The following LYST variants were observed in gnomAD, a reference collection of about 807,000 sequenced individuals.
LYST encodes the protein lysosomal trafficking regulator, also known as lysosomal-trafficking regulator.
Under a neutral mutation model 413.6 loss-of-function variants are expected in LYST, and 192 were observed. That is an observed-to-expected ratio of 0.46 (90% CI 0.41 to 0.52). The LOEUF (loss-of-function observed/expected upper bound fraction) is 0.52, where lower values mean the gene tolerates loss of function less well. Among genes scored for constraint, LYST ranks in the 20% least tolerant of loss-of-function variants. LYST has a pLI of 0.00. For missense variants in LYST, 3,815 were observed against 4,499.9 expected (o/e 0.85, Z 4.35); for synonymous variants, 1,525 against 1,567.3 (o/e 0.97, Z 0.64).
At chr1:235,774,712 C>T (rs566566817) in intron 18 of LYST, among the ~76,000 whole-genome samples, 4 of 152,060 alleles carry the variant, frequency 2.6e-5, no homozygotes, top group South Asian at 2.1e-4. Flanking sequence ...TTAAAAAATG[C>T]TTTAAAGAAA....
chr1:235,780,948 A>G lies in LYST; in HGVS notation c.5131T>C (p.Tyr1711His), dbSNP rs372877124. ...YGKPVNDYSK[Y>H]INKEILRCEQ... ...CATCGCAAAATTTCTTTATTAATAT[A>G]TTTGGAGTAGTCATTGACTGGCTTG... is the stretch of plus-strand genomic sequence containing the variant. The change falls in exon 16 of 53, where the codon TAT (tyrosine) becomes CAT (histidine). Residue 1711 changes from tyrosine (Y) to histidine (H), a missense_variant. Physicochemically the swap from Tyr to His is moderately conservative, Grantham distance 83. Transcript: ENST00000389793. The G allele has an allele frequency of 6.3e-7, 1 of 1,599,522 alleles. No homozygotes were observed. Among genetic ancestry groups the G allele is most frequent in the African/African-American group, 1.3e-5 (1 of 74,702 alleles).
Position 235,817,086 on chromosome 1 carries a change from A to T in LYST, c.193-4025T>A, listed in dbSNP as rs570830915. On this transcript the variant is annotated intron_variant, in intron 3 of 52. Coordinates refer to ENST00000389793, the MANE Select transcript of LYST (RefSeq NM_000081.4). ...GACACGAACAGACACTTTTCAAAAGAAGACATACATGCGCCAACAAGCATA... is the reference window on the plus strand; with the variant it reads ...GACACGAACAGACACTTTTCAAAAGTAGACATACATGCGCCAACAAGCATA... Among the ~76,000 whole-genome samples the T allele has an allele frequency of 2.9e-3, 435 of 152,344 alleles. 2 individuals carry two copies. The highest frequency in any genetic ancestry group is 1.0e-2 in the African/African-American group (414 of 41,584).
Position 235,800,216 on chromosome 1 carries a change from C to A in LYST, c.4006+104G>T. The A allele has an allele frequency of 5.1e-6, 4 of 788,836 alleles. No homozygotes were observed. The South Asian group carries it at 5.6e-5, about 11-fold the overall frequency. The allele number at this position is 788,836 out of a possible 1,614,324, so 48.9% of individuals were successfully genotyped here. On this transcript the variant is annotated intron_variant, in intron 10 of 52. Transcript: ENST00000389793. Reference sequence around the variant, plus strand: ...CCTGCCACCTCAGCCTCCCAAAGTGCTAAGATCACAGGCATGAGCCACCAC... The same window carrying A: ...CCTGCCACCTCAGCCTCCCAAAGTGATAAGATCACAGGCATGAGCCACCAC...
intron 46 of LYST, 93 bp downstream of exon 46, chr1:235,696,990 C>T (rs1313511210): frequency 8.9e-6 from 11 of 1,240,872 alleles, no homozygotes; most frequent in Non-Finnish European, 1.3e-5. Flanking sequence ...AGTTTTTCCA[C>T]CAAGGACTCA....
chr1:235,705,525 A>C (rs1661905530), intron 44 of LYST, among the ~76,000 whole-genome samples: 1 of 151,858 alleles, frequency 6.6e-6, no homozygotes, highest in African/African-American at 2.4e-5. Flanking sequence ...AGCTAAGATT[A>C]CAGGAGTGTG....
At chr1:235,866,795 A>T (rs1265308594) in intron 1 of LYST, 48 bp downstream of exon 1, 1 of 152,160 alleles carries the variant, frequency 6.6e-6, no homozygotes, top group African/African-American at 2.4e-5. Context: ...AGGGGCCGGG[A>T]CCCGGAACCT....
upstream of LYST, among the ~76,000 whole-genome samples, chr1:235,868,690 T>G (rs1207943239): frequency 6.6e-6 from 1 of 152,068 alleles, no homozygotes; most frequent in Admixed American, 6.5e-5. Flanking sequence ...TCGGTACCAG[T>G]GTTTTTTATT....
intron 1 of LYST, among the ~76,000 whole-genome samples, chr1:235,871,951 A>G (rs1398601484): frequency 2.6e-5 from 4 of 152,222 alleles, no homozygotes; most frequent in Admixed American, 1.3e-4. Flanking sequence ...CTGAAATAAA[A>G]CAAAGACAGA....
intron 2 of LYST, among the ~76,000 whole-genome samples, chr1:235,831,597 T>C (rs910002407): frequency 6.6e-6 from 1 of 152,188 alleles, no homozygotes; most frequent in African/African-American, 2.4e-5. Flanking sequence ...ACTACCTTAG[T>C]TCCTGTTCAT....
chr1:235,680,602 C>CTT (rs112884652), intron 48 of LYST, among the ~76,000 whole-genome samples: 3 of 142,442 alleles, frequency 2.1e-5, no homozygotes, highest in African/African-American at 5.1e-5. Flanking sequence ...AAGTGATTTT[C>CTT]TTTTTTTTTT....
chr1:235,717,039 C>T (rs1341245157), intron 40 of LYST, among the ~76,000 whole-genome samples: 1 of 152,220 alleles, frequency 6.6e-6, no homozygotes, highest in Admixed American at 6.5e-5. Context: ...AGGGCTACTA[C>T]TATCCTTCTT....
chr1:235,721,967 G>A (rs1449612557), intron 39 of LYST, among the ~76,000 whole-genome samples: 1 of 152,226 alleles, frequency 6.6e-6, no homozygotes, highest in Non-Finnish European at 1.5e-5. Context: ...AAGGAGGTAA[G>A]GGGTGCTTGG....
rs1275564014 is a variant in LYST at position 235,810,437 on chromosome 1, A to T, written c.381T>A (p.Ser127Arg). Residue 127 changes from serine to arginine, a missense_variant, in exon 5 of 53, where the codon AGT becomes AGA. Physicochemically the swap from Ser to Arg is moderately radical, Grantham distance 110 (BLOSUM62 -1). This residue lies in a region of LYST where 1,648 missense variants were observed against 1,810.3 expected (regional missense o/e 0.91). Transcript: ENST00000389793. Reference protein sequence around the residue: ...STQEKLHLEGSALSSQVSAKV... With the variant: ...STQEKLHLEGRALSSQVSAKV... ...TTGCAGAAACCTGACTAGACAGGGC[A>T]CTTCCTTCTAAATGTAATTTTTCCT... 1 of 1,610,316 alleles carries T rather than the reference A, an allele frequency of 6.2e-7. No individual in the cohort carries two copies. Among genetic ancestry groups the T allele is most frequent in the Non-Finnish European group, 8.5e-7 (1 of 1,179,048 alleles).
At chr1:235,726,691 A>G (rs1390747930) in intron 38 of LYST, among the ~76,000 whole-genome samples, 1 of 152,216 alleles carries the variant, frequency 6.6e-6, no homozygotes, top group Non-Finnish European at 1.5e-5. Context: ...AATATAAAAC[A>G]CATTTATAGC....
At position 235,784,027 on chromosome 1, in the gene LYST, G is replaced by A. The variant is rs889733436; in HGVS notation, c.4863-1940C>T. 2.0e-5 allele frequency among the ~76,000 whole-genome samples: 3 copies of A among 152,012 alleles called. No individual in the cohort carries two copies. The South Asian group carries it at 6.2e-4, about 31-fold the overall frequency. ...CCCGAATAGCTGGGACTACAGCTAC[G>A]CATTACCATGCCCAGCTAATTTTTT... On this transcript the variant is annotated intron_variant, in intron 14 of 52. Coordinates refer to ENST00000389793, the MANE Select transcript of LYST (RefSeq NM_000081.4).
chr1:235,709,187 G>A lies in LYST; in HGVS notation c.10047C>T (p.Tyr3349=), dbSNP rs560531020. The A allele has an allele frequency of 1.7e-5, 28 of 1,614,052 alleles. No homozygotes were observed. Among genetic ancestry groups the A allele is most frequent in the Middle Eastern group, 1.6e-4 (1 of 6,062 alleles). The stretch of plus-strand genomic sequence containing the variant: ...TCCACTGACAGATGTTCTGCGACAC[G>A]TAGTCAGACTCTAGAGCCTGCCGAT... ...LIHRQALESD[Y]VSQNICQWID... Residue 3349 remains tyrosine, a synonymous_variant, in exon 44 of 53, where the codon TAC becomes TAT. Coordinates refer to ENST00000389793, the MANE Select transcript of LYST (RefSeq NM_000081.4).
intron 1 of LYST, among the ~76,000 whole-genome samples, chr1:235,858,853 T>C (rs1679517693): frequency 6.6e-6 from 1 of 152,006 alleles, no homozygotes; most frequent in African/African-American, 2.4e-5. Context: ...TGCATTGTTA[T>C]GGGGGGCAGG....
At chr1:235,701,095 T>G in intron 45 of LYST, among the ~76,000 whole-genome samples, 1 of 152,052 alleles carries the variant, frequency 6.6e-6, no homozygotes, top group Non-Finnish European at 1.5e-5. Flanking sequence ...GAGCAGAGAC[T>G]TGAATGAGAT....
In LYST at chr1:235,753,189, A is replaced by G; in HGVS notation, c.7315T>C (p.Tyr2439His). Residue 2439 changes from tyrosine to histidine, a missense_variant, in exon 26 of 53, where the codon TAT becomes CAT. This residue lies in a region of LYST where 771 missense variants were observed against 837.1 expected (regional missense o/e 0.92). Coordinates refer to ENST00000389793, the MANE Select transcript of LYST (RefSeq NM_000081.4). Reference sequence around the variant, plus strand: ...GCATTATGCAAGAGTATGTTGTCATATAGAGAGGTCTCTATTAGTCCCAGA... The same window carrying G: ...GCATTATGCAAGAGTATGTTGTCATGTAGAGAGGTCTCTATTAGTCCCAGA... ...PILGLIETSL[Y>H]DNILLHNALL... 1 of 1,610,002 alleles carries G rather than the reference A, an allele frequency of 6.2e-7. No homozygotes were observed. The highest frequency in any genetic ancestry group is 8.5e-7 in the Non-Finnish European group (1 of 1,176,490).
Sources: gnomAD v4.1 joint callset for allele counts (sites outside exome capture counted in the v4.1 genomes callset) on GRCh38, gnomAD v4.1.1 for gene constraint, gnomAD v4.1.1 regional missense constraint, MANE v1.5 for transcripts, NCBI Gene and HGNC (gene_info 2026-07-23, HGNC 2026-07-21) for gene names.